The following DSCAML1 variants were observed in gnomAD, a reference collection of about 807,000 sequenced individuals.
The protein encoded by DSCAML1 is DS cell adhesion molecule like 1, also known as cell adhesion molecule DSCAML1.
A neutral mutation model predicts 200.5 loss-of-function variants in DSCAML1; 38 were observed. The observed-to-expected ratio is 0.19, with a 90% confidence interval of 0.15 to 0.25. The LOEUF is 0.25. Among genes scored for constraint, DSCAML1 ranks in the 10% least tolerant of loss-of-function variants. The pLI is 1.00. For synonymous variants in DSCAML1, 1,215 were observed against 1,165.0 expected, an observed-to-expected ratio of 1.04 and a Z score of -0.87; for missense variants, 2,223 against 2,858.8, an observed-to-expected ratio of 0.78 and a Z score of 5.07.
intron 3 of DSCAML1, among the ~76,000 whole-genome samples, chr11:117,561,038 G>T (rs11606341): frequency 0.31 from 46,886 of 152,086 alleles, 7,562 homozygotes; most frequent in Middle Eastern, 0.36. Flanking sequence ...TTATTGGCAG[G>T]TGAGCAGGAG....
intron 3 of DSCAML1, among the ~76,000 whole-genome samples, chr11:117,720,119 C>T (rs2054017732): frequency 6.6e-6 from 1 of 152,056 alleles, no homozygotes; most frequent in Admixed American, 6.5e-5. Flanking sequence ...CACCCTGTGC[C>T]GAGTCAGCAC....
chr11:117,557,791 A>C (rs2050585819), intron 3 of DSCAML1, among the ~76,000 whole-genome samples: 1 of 150,494 alleles, frequency 6.6e-6, no homozygotes, highest in South Asian at 2.1e-4. Context: ...CTGAGGCTTT[A>C]GGGGCCTAGA....
At chr11:117,802,408 T>C (rs1230232611) in intron 1 of DSCAML1, among the ~76,000 whole-genome samples, 1 of 152,218 alleles carries the variant, frequency 6.6e-6, no homozygotes, top group Non-Finnish European at 1.5e-5. Flanking sequence ...GCTCCGACCC[T>C]TTCGATTTGT....
At chr11:117,491,487 C>T (rs2049180401) in intron 11 of DSCAML1, among the ~76,000 whole-genome samples, 1 of 152,198 alleles carries the variant, frequency 6.6e-6, no homozygotes, top group African/African-American at 2.4e-5. Context: ...GAATGTTGGC[C>T]AGGTGTGGTG....
chr11:117,651,691 G>A (rs1220093295), intron 3 of DSCAML1, among the ~76,000 whole-genome samples: 1 of 116,838 alleles, frequency 8.6e-6, no homozygotes, highest in Non-Finnish European at 1.6e-5. Flanking sequence ...CAGCCTGGGC[G>A]ACAGAGCAAG....
intron 3 of DSCAML1, among the ~76,000 whole-genome samples, chr11:117,726,555 G>A (rs1212432414): frequency 6.6e-6 from 1 of 152,104 alleles, no homozygotes; most frequent in African/African-American, 2.4e-5. Context: ...CCAGGTGTAT[G>A]TGACCATGAG....
intron 3 of DSCAML1, among the ~76,000 whole-genome samples, chr11:117,550,907 C>G (rs887857685): frequency 2.0e-5 from 3 of 152,260 alleles, no homozygotes; most frequent in Admixed American, 1.3e-4. Context: ...ATCTCTCTCT[C>G]TTCCTGAAAA....
chr11:117,734,122 G>A (rs572028082), intron 3 of DSCAML1, among the ~76,000 whole-genome samples: 14 of 152,146 alleles, frequency 9.2e-5, no homozygotes, highest in African/African-American at 3.4e-4. Flanking sequence ...ATGCATGTAA[G>A]CATGCATCTT....
chr11:117,434,246 T>C (rs2047861279), intron 27 of DSCAML1, among the ~76,000 whole-genome samples: 1 of 151,778 alleles, frequency 6.6e-6, no homozygotes, highest in African/African-American at 2.4e-5. Context: ...CATCCAATTA[T>C]CCATTCATCC....
chr11:117,572,218 G>A (rs1259187554), intron 3 of DSCAML1, among the ~76,000 whole-genome samples: 1 of 152,188 alleles, frequency 6.6e-6, no homozygotes, highest in Admixed American at 6.5e-5. Context: ...TCTGGATCGG[G>A]ACCCCTTCCC....
In DSCAML1 at chr11:117,695,315, CTTTT is replaced by C. The variant is rs753748981; in HGVS notation, c.511+81472_511+81475del. The stretch of plus-strand genomic sequence containing the variant: ...TTTTTTCTTTTCTTTCTTTCTTTTT[CTTTT>C]TTTTTTTTTTTTTTTGCTAACCAAC... On this transcript the variant is annotated intron_variant, in intron 3 of 32. Transcript: ENST00000651296. Among the ~76,000 whole-genome samples, 128 of 116,714 alleles carry C rather than the reference CTTTT, an allele frequency of 1.1e-3. 1 individual carries two copies. The East Asian group carries it at 0.021, about 19-fold the overall frequency. 76.6% of individuals were successfully genotyped at this position (116,714 alleles called of 152,430 possible). A position where few individuals can be genotyped will look rare whatever the true frequency, so the allele number is the denominator to read the frequency against.
intron 3 of DSCAML1, among the ~76,000 whole-genome samples, chr11:117,549,173 A>G (rs759265939): frequency 6.6e-6 from 1 of 152,056 alleles, no homozygotes; most frequent in Non-Finnish European, 1.5e-5. Context: ...GAGGCCTCCA[A>G]TGGCCTCCTC....
Position 117,523,319 on chromosome 11 carries a change from G to A in DSCAML1, c.937+1486C>T, listed in dbSNP as rs567198958. Among the ~76,000 whole-genome samples, 4 of 151,860 alleles carry A rather than the reference G, an allele frequency of 2.6e-5. No homozygotes were observed. In the South Asian group the frequency reaches 8.3e-4, roughly 32 times the overall value. ...GAGAGAGTGTAGAGCAGGAGGGTGG[G>A]AAGGAGGTGAAGGTAATACTGGAAT... On this transcript the variant is annotated intron_variant, in intron 5 of 32. Coordinates refer to ENST00000651296, the MANE Select transcript of DSCAML1 (RefSeq NM_020693.4).
intron 11 of DSCAML1, among the ~76,000 whole-genome samples, chr11:117,486,825 C>T (rs1349149173): frequency 6.9e-6 from 1 of 145,062 alleles, no homozygotes; most frequent in African/African-American, 2.6e-5. Flanking sequence ...GAAATACAGC[C>T]AGCCCAAATT....
chr11:117,564,719 TTTCC>T (rs1175527957), intron 3 of DSCAML1, among the ~76,000 whole-genome samples: 1 of 151,086 alleles, frequency 6.6e-6, no homozygotes, highest in Non-Finnish European at 1.5e-5. Context: ...CCTTCTTTCC[TTTCC>T]TTCCTTCTTT....
At chr11:117,462,592 ACAT>A (rs2137152716) in intron 17 of DSCAML1, among the ~76,000 whole-genome samples, 1 of 152,376 alleles carries the variant, frequency 6.6e-6, no homozygotes, top group East Asian at 1.9e-4. Context: ...AAATGATAAT[ACAT>A]CATCCTAACG....
upstream of DSCAML1, among the ~76,000 whole-genome samples, chr11:117,798,259 G>C (rs2055619088): frequency 1.3e-5 from 2 of 152,230 alleles, no homozygotes; most frequent in Admixed American, 1.3e-4. Context: ...AGACTCTAAG[G>C]TGTGGAGTGC....
At chr11:117,687,406 G>T (rs1031946641) in intron 3 of DSCAML1, among the ~76,000 whole-genome samples, 1 of 135,242 alleles carries the variant, frequency 7.4e-6, no homozygotes, top group African/African-American at 2.8e-5. Flanking sequence ...GACTACAGGT[G>T]TGCTCCACCA....
chr11:117,441,625 CAGAGAGT>C (rs2048051348), intron 21 of DSCAML1, among the ~76,000 whole-genome samples: 1 of 152,050 alleles, frequency 6.6e-6, no homozygotes, highest in African/African-American at 2.4e-5. Context: ...CCAAGTGCCT[CAGAGAGT>C]AGAGGAGGCC....
Sources: gnomAD v4.1 joint callset for allele counts (sites outside exome capture counted in the v4.1 genomes callset) on GRCh38, gnomAD v4.1.1 for gene constraint, MANE v1.5 for transcripts, NCBI Gene and HGNC (gene_info 2026-07-23, HGNC 2026-07-21) for gene names.